CNTNAP3: variants seen among roughly 807,000 people sequenced by gnomAD.
CNTNAP3 encodes contactin-associated protein-like 3.
Under a neutral mutation model 92.1 loss-of-function variants are expected in CNTNAP3, and 36 were observed. The observed-to-expected ratio is 0.39, with a 90% confidence interval of 0.30 to 0.52. The LOEUF is 0.52. Ranked by LOEUF, CNTNAP3 falls within the 20% of genes least tolerant of loss-of-function variation. The probability of loss-of-function intolerance (pLI) is 0.76; values close to 1 mark genes in which losing one functional copy is unlikely to be tolerated. For missense variants in CNTNAP3, 534 were observed against 1,069.6 expected (o/e 0.50, Z 6.98); for synonymous variants, 232 against 422.3 (o/e 0.55, Z 5.53).
chr9:39,076,775 TG>T (rs1230995411), intron 23 of CNTNAP3, among the ~76,000 whole-genome samples: 15 of 152,304 alleles, frequency 9.8e-5, no homozygotes, highest in Admixed American at 9.8e-4. Flanking sequence ...GAGACCATTC[TG>T]GCTAACACGG....
intron 18 of CNTNAP3, among the ~76,000 whole-genome samples, chr9:39,096,089 T>C (rs1379242131): frequency 1.1e-5 from 1 of 91,514 alleles, no homozygotes; most frequent in Non-Finnish European, 2.4e-5. Context: ...GCTGTTTTTT[T>C]GTAATATATT....
At position 39,115,479 on chromosome 9, in the gene CNTNAP3, AC is replaced by A. The variant is rs1197539570; in HGVS notation, c.2237+2623del. On this transcript the variant is annotated intron_variant, in intron 14 of 23. Coordinates refer to ENST00000297668, the MANE Select transcript of CNTNAP3 (RefSeq NM_033655.5). ...ATTAAAATAGAAATTGTAATTTCCC[AC>A]CCCCCCACCCCCATACACACCCCCA... Among the ~76,000 whole-genome samples, 19 of 43,458 alleles carry A rather than the reference AC, an allele frequency of 4.4e-4. 1 individual carries two copies. Among genetic ancestry groups the A allele is most frequent in the African/African-American group, 1.3e-3 (14 of 10,726 alleles). 28.5% of individuals were successfully genotyped at this position (43,458 alleles called of 152,430 possible). A position where few individuals can be genotyped will look rare whatever the true frequency, so the allele number is the denominator to read the frequency against.
chr9:39,076,326 T>C (rs1825762101), intron 23 of CNTNAP3, among the ~76,000 whole-genome samples: 1 of 152,308 alleles, frequency 6.6e-6, no homozygotes, highest in Non-Finnish European at 1.5e-5. Context: ...TGCTTTTGCA[T>C]TGCAATGAAA....
intron 10 of CNTNAP3, 107 bp downstream of exon 10, chr9:39,149,699 G>GA (rs1821794645): frequency 1.3e-6 from 1 of 744,902 alleles, no homozygotes; most frequent in Non-Finnish European, 2.2e-6. Flanking sequence ...CCTCTCGAAA[G>GA]ATAACAACAA....
At position 39,072,449 on chromosome 9, in the gene CNTNAP3, C is replaced by G. The variant is rs1193262568; in HGVS notation, c.*1441G>C. Among the ~76,000 whole-genome samples, 10 of 139,890 alleles carry G rather than the reference C, an allele frequency of 7.1e-5. No homozygotes were observed. The highest frequency in any genetic ancestry group is 2.8e-4 in the African/African-American group (10 of 35,604). 91.8% of individuals were successfully genotyped at this position (139,890 alleles called of 152,430 possible). The stretch of plus-strand genomic sequence containing the variant: ...GGTTCCATGCATTATCAAATAACCA[C>G]TGCTTCAATACTAGTCCCTGGAACT... On this transcript the variant is annotated 3_prime_UTR_variant, in exon 24 of 24. Coordinates refer to ENST00000297668, the MANE Select transcript of CNTNAP3 (RefSeq NM_033655.5).
intron 18 of CNTNAP3, among the ~76,000 whole-genome samples, chr9:39,092,740 T>C (rs1307567697): frequency 2.2e-5 from 3 of 136,806 alleles, no homozygotes; most frequent in Non-Finnish European, 4.8e-5. Context: ...AATGATTGCG[T>C]TTTTATTTTT....
At chr9:39,279,695 C>CA (rs1445620147) in intron 1 of CNTNAP3, among the ~76,000 whole-genome samples, 1 of 15,206 alleles carries the variant, frequency 6.6e-5, no homozygotes, top group African/African-American at 9.7e-5. Flanking sequence ...ATCGCAAGGA[C>CA]AAAAAACCAA....
intron 12 of CNTNAP3, chr9:39,140,076 C>T (rs1055698215): frequency 7.1e-5 from 11 of 155,812 alleles, no homozygotes; most frequent in South Asian, 1.9e-4. Flanking sequence ...ATCTAAAGCA[C>T]GAGAAATAAT....
Position 39,109,188 on chromosome 9 carries a change from T to C in CNTNAP3, c.2337A>G (p.Thr779=). 4.0e-5 allele frequency: 64 copies of C among 1,613,028 alleles called. No homozygotes were observed. The highest frequency in any genetic ancestry group is 5.4e-5 in the Non-Finnish European group (64 of 1,179,806). ...AGRPHSEAAY[T]LGPLLCRGDQ... ...CTCCGCGGCAGAGCAGTGGCCCCAG[T>C]GTATAAGCTGCTTCGGAATGTGGTC... is the stretch of plus-strand genomic sequence containing the variant. The change falls in exon 15 of 24, where the codon ACA becomes ACG. Residue 779 remains threonine, a synonymous_variant. Coordinates refer to ENST00000297668, the MANE Select transcript of CNTNAP3 (RefSeq NM_033655.5).
intron 21 of CNTNAP3, among the ~76,000 whole-genome samples, chr9:39,082,099 CAAAG>C (rs1225007265): frequency 8.5e-6 from 1 of 117,648 alleles, no homozygotes; most frequent in Non-Finnish European, 1.8e-5. Flanking sequence ...AAAAAAAAAA[CAAAG>C]AAACTCAAAT....
At position 39,068,718 on chromosome 9, in the gene CNTNAP3, C is replaced by T. The variant is rs1458180054; in HGVS notation, c.*5172G>A. On this transcript the variant is annotated 3_prime_UTR_variant, in exon 24 of 24. Transcript: ENST00000297668. Reference sequence around the variant, plus strand: ...CGTGTACCTGAACTCTCAGCAACAGCTACTCCATTCAGAGACTTGCTAGGC... The same window carrying T: ...CGTGTACCTGAACTCTCAGCAACAGTTACTCCATTCAGAGACTTGCTAGGC... 6.6e-6 allele frequency among the ~76,000 whole-genome samples: 1 copy of T among 152,312 alleles called. No homozygotes were observed. The highest frequency in any genetic ancestry group is 2.4e-5 in the African/African-American group (1 of 41,488).
chr9:39,065,707 C>A lies in CNTNAP3; in HGVS notation c.*8183G>T, dbSNP rs1047037879. Among the ~76,000 whole-genome samples, 1 of 152,224 alleles carries A rather than the reference C, an allele frequency of 6.6e-6. No individual in the cohort carries two copies. The highest frequency in any genetic ancestry group is 2.4e-5 in the African/African-American group (1 of 41,450). ...TCACTGTGGTTTTAATTTGCATTTC[C>A]TTAATGACAAAACGATATTGAACAT... On this transcript the variant is annotated 3_prime_UTR_variant, in exon 24 of 24. Transcript: ENST00000297668.
At chr9:39,092,937 A>T (rs1826240692) in intron 18 of CNTNAP3, among the ~76,000 whole-genome samples, 1 of 143,292 alleles carries the variant, frequency 7.0e-6, no homozygotes, top group African/African-American at 2.6e-5. Flanking sequence ...TTTTTGAGGG[A>T]GTTAACTTTT....
chr9:39,091,171 C>CTTTTTTTTTTTTTTTTTTT (rs201329360), intron 18 of CNTNAP3, among the ~76,000 whole-genome samples: 2 of 128,500 alleles, frequency 1.6e-5, no homozygotes, highest in Admixed American at 8.0e-5. Context: ...TTTTCTTCTT[C>CTTTTTTTTTTTTTTTTTTT]TTTTTTTTTT....
intron 18 of CNTNAP3, among the ~76,000 whole-genome samples, chr9:39,096,690 A>G (rs1049557938): frequency 2.6e-5 from 4 of 151,414 alleles, no homozygotes; most frequent in African/African-American, 7.3e-5. Context: ...GTTTTCTTTC[A>G]TCTCTTTGAA....
intron 14 of CNTNAP3, among the ~76,000 whole-genome samples, chr9:39,114,307 G>A (rs1233905947): frequency 1.8e-4 from 27 of 151,720 alleles, no homozygotes; most frequent in Admixed American, 1.7e-3. Flanking sequence ...GGATGGTCTC[G>A]ATCTTCTGAC....
rs1825503571 is a variant in CNTNAP3 at position 39,066,066 on chromosome 9, T to C, written c.*7824A>G. Reference sequence around the variant, plus strand: ...CATCTTTTTTGTCTACTTTCAAGCATTTAAAAATTTATTCTATTTCATCGC... The same window carrying C: ...CATCTTTTTTGTCTACTTTCAAGCACTTAAAAATTTATTCTATTTCATCGC... On this transcript the variant is annotated 3_prime_UTR_variant, in exon 24 of 24. Transcript: ENST00000297668. 6.6e-6 allele frequency among the ~76,000 whole-genome samples: 1 copy of C among 152,258 alleles called. No homozygotes were observed.
rs571686986 is a variant in CNTNAP3, at chr9:39,253,010, A to AAT, written c.197-13826_197-13825dup. On this transcript the variant is annotated intron_variant, in intron 2 of 23. Coordinates refer to ENST00000297668, the MANE Select transcript of CNTNAP3 (RefSeq NM_033655.5). ...ATATATGTATATATTCCTGCAACTG[A>AAT]ATATACACACACACACACACACACA... Among the ~76,000 whole-genome samples the AAT allele has an allele frequency of 8.1e-3, 28 of 3,466 alleles. 1 individual carries two copies. Among genetic ancestry groups the AAT allele is most frequent in the African/African-American group, 8.7e-3 (28 of 3,222 alleles). 2.3% of individuals were successfully genotyped at this position (3,466 alleles called of 152,430 possible).
At chr9:39,122,182 G>A (rs1305756550) in intron 13 of CNTNAP3, among the ~76,000 whole-genome samples, 8 of 151,492 alleles carry the variant, frequency 5.3e-5, no homozygotes, top group African/African-American at 9.7e-5. Context: ...GTGAAACCCC[G>A]TATCTACTAA....
Sources: gnomAD v4.1 joint callset for allele counts (sites outside exome capture counted in the v4.1 genomes callset) on GRCh38, gnomAD v4.1.1 for gene constraint, MANE v1.5 for transcripts, NCBI Gene and HGNC (gene_info 2026-07-23, HGNC 2026-07-21) for gene names.